LYRM9: variants seen among roughly 807,000 people sequenced by gnomAD.
LYRM9 encodes the protein LYR motif containing 9, also known as LYR motif-containing protein 9.
Under a neutral mutation model 12.6 loss-of-function variants are expected in LYRM9, and 14 were observed. The observed-to-expected ratio is 1.11, with a 90% CI of 0.73 to 1.73. The LOEUF is 1.73. Among genes scored for constraint, LYRM9 ranks in the 40% most tolerant of loss-of-function variants. The probability of loss-of-function intolerance (pLI) is 0.00; values close to 1 mark genes in which losing one functional copy is unlikely to be tolerated. For missense variants in LYRM9, 94 were observed against 95.0 expected, an observed-to-expected ratio of 0.99 and a Z score of 0.04; for synonymous variants, 42 against 35.1, an observed-to-expected ratio of 1.20 and a Z score of -0.69.
chr17:27,884,392 G>A (rs1370921993), intron 1 of LYRM9, among the ~76,000 whole-genome samples: 1 of 152,196 alleles, frequency 6.6e-6, no homozygotes, highest in Non-Finnish European at 1.5e-5. Flanking sequence ...TGTCCTGGGT[G>A]CATCCCAGTC....
chr17:27,883,835 TAAAA>T (rs781375467), intron 1 of LYRM9, among the ~76,000 whole-genome samples: 30 of 24,558 alleles, frequency 1.2e-3, no homozygotes, highest in South Asian at 2.6e-3. Context: ...AGCCTTTTTC[TAAAA>T]AAAAAAAAAA....
intron 3 of LYRM9, 37 bp downstream of exon 3, chr17:27,880,237 C>G (rs774538756): frequency 1.3e-6 from 2 of 1,506,070 alleles, no homozygotes; most frequent in Admixed American, 3.7e-5. Context: ...CATCATCACC[C>G]CAGCTCGCAG....
At chr17:27,880,426 G>C (rs1311188183) in intron 2 of LYRM9, 60 bp from the exon 3 acceptor site, 1 of 1,294,544 alleles carries the variant, frequency 7.7e-7, no homozygotes, top group Non-Finnish European at 1.1e-6. Flanking sequence ...GGCAGCTTCA[G>C]AGCACCAATC....
At chr17:27,881,257 A>C (rs1471225117) in intron 2 of LYRM9, 1 of 154,062 alleles carries the variant, frequency 6.5e-6, no homozygotes, top group East Asian at 1.9e-4. Flanking sequence ...AAAAAAAAAA[A>C]AAAAAAAAGA....
chr17:27,891,223 T>A (rs945825777), intron 1 of LYRM9, among the ~76,000 whole-genome samples: 1 of 152,154 alleles, frequency 6.6e-6, no homozygotes, highest in Non-Finnish European at 1.5e-5. Context: ...TCTCCCCTCC[T>A]GCTGTCCTTC....
chr17:27,891,921 G>A (rs1905465598), intron 1 of LYRM9: 1 of 132,032 alleles, frequency 7.6e-6, no homozygotes, highest in Admixed American at 8.8e-5. Flanking sequence ...TTAAGTGCTT[G>A]AACATCTTTT....
intron 1 of LYRM9, among the ~76,000 whole-genome samples, chr17:27,885,158 G>A (rs1221176227): frequency 1.3e-5 from 2 of 152,140 alleles, no homozygotes; most frequent in East Asian, 1.9e-4. Context: ...GGTCTGAGTG[G>A]GACTATCAGA....
chr17:27,885,679 GAC>G (rs1428997731), intron 1 of LYRM9, among the ~76,000 whole-genome samples: 1 of 110,104 alleles, frequency 9.1e-6, no homozygotes, highest in Non-Finnish European at 1.7e-5. Context: ...CAGCCCGGAT[GAC>G]ACAAAGTGAA....
chr17:27,890,611 CA>C (rs1176715657), intron 1 of LYRM9, among the ~76,000 whole-genome samples: 2 of 152,164 alleles, frequency 1.3e-5, no homozygotes, highest in East Asian at 3.9e-4. Context: ...CCCACAGTCC[CA>C]TTTAACCCCA....
At position 27,880,271 on chromosome 17, in the gene LYRM9, T is replaced by C. The variant is rs766810263; in HGVS notation, c.219+3A>G. ...AGGCAGAGCCCAGGGGCCAAGCACC[T>C]ACTTTGTTCATGATCCAGTCAGCAT... On this transcript the variant is annotated splice_donor_region_variant and intron_variant, in intron 3 of 3. Transcript: ENST00000379102. The C allele has an allele frequency of 3.1e-6, 5 of 1,604,644 alleles. No homozygotes were observed. The highest frequency in any genetic ancestry group is 4.3e-6 in the Non-Finnish European group (5 of 1,174,946).
chr17:27,879,593 G>A, intron 3 of LYRM9, 103 bp from the exon 4 acceptor site: 2 of 1,312,190 alleles, frequency 1.5e-6, no homozygotes, highest in South Asian at 1.4e-5. Flanking sequence ...CCTGCCTCCT[G>A]CAGGGGCTTC....
At chr17:27,880,660 AAGGCTATC>A in intron 2 of LYRM9, 1 of 465,000 alleles carries the variant, frequency 2.2e-6, no homozygotes, top group South Asian at 2.5e-5. Context: ...GCTAGGCCCA[AAGGCTATC>A]AGGCAGTAGA....
intron 3 of LYRM9, chr17:27,880,032 T>C: frequency 2.9e-6 from 2 of 686,814 alleles, no homozygotes; most frequent in Non-Finnish European, 5.2e-6. Context: ...ATCAGCACTG[T>C]TGGGCAGAAA....
chr17:27,883,969 T>C (rs1364361562), intron 1 of LYRM9, among the ~76,000 whole-genome samples: 1 of 148,108 alleles, frequency 6.8e-6, no homozygotes, highest in East Asian at 2.1e-4. Flanking sequence ...GAAGCCACCG[T>C]CATAATCAAG....
At chr17:27,890,005 A>G (rs1193028013) in intron 1 of LYRM9, among the ~76,000 whole-genome samples, 1 of 152,186 alleles carries the variant, frequency 6.6e-6, no homozygotes, top group Non-Finnish European at 1.5e-5. Flanking sequence ...TCACAACAAT[A>G]TTTTAAGGGA....
intron 1 of LYRM9, among the ~76,000 whole-genome samples, chr17:27,889,091 C>T (rs931445520): frequency 7.9e-5 from 12 of 152,098 alleles, no homozygotes; most frequent in Non-Finnish European, 1.6e-4. Flanking sequence ...TCTCAACACA[C>T]GTACCTTTAT....
chr17:27,883,266 A>G (rs1159076860), intron 1 of LYRM9: 5 of 281,700 alleles, frequency 1.8e-5, no homozygotes, highest in African/African-American at 1.1e-4. Flanking sequence ...GGAGATTTGC[A>G]GGCACATTTT....
chr17:27,879,322 G>T lies in LYRM9; in HGVS notation c.*151C>A. 1.4e-6 allele frequency: 1 copy of T among 721,978 alleles called. No individual in the cohort carries two copies. The highest frequency in any genetic ancestry group is 2.1e-6 in the Non-Finnish European group (1 of 476,030). 44.7% of individuals were successfully genotyped at this position (721,978 alleles called of 1,614,324 possible). A position where few individuals can be genotyped will look rare whatever the true frequency, so the allele number is the denominator to read the frequency against. ...GATGCTAGCAACATGGCCGCGGCAA[G>T]AGGAGCCTCTGGAGCAAGGTCAGCT... On this transcript the variant is annotated 3_prime_UTR_variant, in exon 4 of 4. Transcript: ENST00000379102.
At chr17:27,884,020 C>T (rs1322029900) in intron 1 of LYRM9, among the ~76,000 whole-genome samples, 5 of 151,770 alleles carry the variant, frequency 3.3e-5, no homozygotes, top group African/African-American at 1.2e-4. Flanking sequence ...TACCGCATAC[C>T]CTTTGTAATC....
Sources: gnomAD v4.1 joint callset for allele counts (sites outside exome capture counted in the v4.1 genomes callset) on GRCh38, gnomAD v4.1.1 for gene constraint, MANE v1.5 for transcripts, NCBI Gene and HGNC (gene_info 2026-07-23, HGNC 2026-07-21) for gene names.